The following BICRA variants were observed in gnomAD, a reference collection of about 807,000 sequenced individuals.
BICRA encodes BRD4 interacting chromatin remodeling complex associated protein, also known as BRD4-interacting chromatin-remodeling complex-associated protein.
In BICRA, 31 loss-of-function variants were observed where a neutral mutation model predicts 96.9. That is an observed-to-expected ratio of 0.32 (90% CI 0.24 to 0.43). BICRA has a LOEUF of 0.43. Ranked by LOEUF, BICRA falls within the 20% of genes least tolerant of loss-of-function variation. The pLI, the probability that BICRA is intolerant of heterozygous loss-of-function variation, is 1.00. For synonymous variants in BICRA, 1,350 were observed against 1,071.8 expected (o/e 1.26, Z -5.07); for missense variants, 2,283 against 2,190.3 (o/e 1.04, Z -0.84).
At chr19:47,635,250 T>C (rs1377266021) in intron 1 of BICRA, among the ~76,000 whole-genome samples, 2 of 74,546 alleles carry the variant, frequency 2.7e-5, no homozygotes, top group Non-Finnish European at 6.9e-5. Context: ...ATTTCTAGGA[T>C]TTTTTTTTTT....
At chr19:47,657,523 A>G (rs1397767685) in intron 1 of BICRA, among the ~76,000 whole-genome samples, 1 of 151,882 alleles carries the variant, frequency 6.6e-6, no homozygotes, top group Non-Finnish European at 1.5e-5. Flanking sequence ...CAGCCTCCCA[A>G]GTAGCTGGGA....
chr19:47,697,414 T>C (rs1015822143), intron 11 of BICRA, among the ~76,000 whole-genome samples: 2 of 151,690 alleles, frequency 1.3e-5, no homozygotes, highest in African/African-American at 4.8e-5. Flanking sequence ...AAAAAAAATT[T>C]TTTTTTATAT....
At chr19:47,673,911 ACTCATGGTAAT>A (rs1207542207) in intron 4 of BICRA, 149 bp downstream of exon 4, 1 of 713,758 alleles carries the variant, frequency 1.4e-6, no homozygotes, top group Non-Finnish European at 2.5e-6. Context: ...CATGAGCAAA[ACTCATGGTAAT>A]CCCCTGTCCT....
Position 47,680,932 on chromosome 19 carries a change from C to G in BICRA, c.1762C>G (p.Leu588Val). ...AATTVLQGVT[L>V]PPSAVAMLNT... ...CACCACTGTCCTCCAGGGGGTCACC[C>G]TGCCCCCCAGCGCCGTGGCCATGCT... Residue 588 changes from leucine (L) to valine (V), a missense_variant, in exon 6 of 15, where the codon CTG becomes GTG. By Grantham distance (32) the Leu-to-Val change is conservative (BLOSUM62 1). Transcript: ENST00000594866. 1 of 1,475,054 alleles carries G rather than the reference C, an allele frequency of 6.8e-7. No homozygotes were observed. The highest frequency in any genetic ancestry group is 8.9e-7 in the Non-Finnish European group (1 of 1,125,048). The allele number at this position is 1,475,054 out of a possible 1,614,324, so 91.4% of individuals were successfully genotyped here.
In BICRA at chr19:47,701,868, C is replaced by T. The variant is rs1488906751; in HGVS notation, c.4136C>T (p.Ala1379Val). ...CCCGAGCGCAAGCCCCTGGGCACCG[C>T]CCCGCACTGCCCGCGCCTGCCACTG... ...AAPERKPLGT[A>V]PHCPRLPLRK... Residue 1379 changes from alanine to valine, a missense_variant, in exon 15 of 15, where the codon GCC becomes GTC. By Grantham distance (64) the Ala-to-Val change is moderately conservative. Coordinates refer to ENST00000594866, the MANE Select transcript of BICRA (RefSeq NM_001394372.1). This position sits in a 1 kb window ranked among gnomAD's most constrained non-coding sequence, Gnocchi z 5.4. 1 of 1,479,968 alleles carries T rather than the reference C, an allele frequency of 6.8e-7. No homozygotes were observed. The allele number at this position is 1,479,968 out of a possible 1,614,324, so 91.7% of individuals were successfully genotyped here. A position where few individuals can be genotyped will look rare whatever the true frequency, so the allele number is the denominator to read the frequency against.
chr19:47,676,029 A>G, intron 5 of BICRA, 113 bp downstream of exon 5: 6 of 316,286 alleles, frequency 1.9e-5, no homozygotes, highest in South Asian at 5.8e-5. Flanking sequence ...TGTTGACAGG[A>G]GGAGGGCGGG....
At chr19:47,670,346 T>A (rs546489326) in intron 1 of BICRA, 97 bp from the exon 2 acceptor site, 2 of 152,414 alleles carry the variant, frequency 1.3e-5, no homozygotes, top group East Asian at 3.9e-4. Context: ...TCCATCCCTC[T>A]CCCACCTACA....
At position 47,679,595 on chromosome 19, in the gene BICRA, G is replaced by T. The variant is rs1972995973; in HGVS notation, c.425G>T (p.Gly142Val). Residue 142 changes from glycine (G) to valine (V), a missense_variant, in exon 6 of 15, where the codon GGC (glycine) becomes GTC (valine). Coordinates refer to ENST00000594866, the MANE Select transcript of BICRA (RefSeq NM_001394372.1). ...CTGCAGCCTGCGGATGGCGGGGCAGGCCCGACGGGCGCTGGAGGGGCAGCG... is the reference window on the plus strand; with the variant it reads ...CTGCAGCCTGCGGATGGCGGGGCAGTCCCGACGGGCGCTGGAGGGGCAGCG... The part of the protein sequence containing the change: ...PTLQPADGGA[G>V]PTGAGGAAAV... The T allele has an allele frequency of 6.5e-7, 1 of 1,533,544 alleles. No homozygotes were observed. The highest frequency in any genetic ancestry group is 8.8e-7 in the Non-Finnish European group (1 of 1,139,826). The allele number at this position is 1,533,544 out of a possible 1,614,324, so 95.0% of individuals were successfully genotyped here. A position where few individuals can be genotyped will look rare whatever the true frequency, so the allele number is the denominator to read the frequency against.
chr19:47,619,430 T>C (rs1188001391), intron 1 of BICRA, among the ~76,000 whole-genome samples: 2 of 152,038 alleles, frequency 1.3e-5, no homozygotes, highest in Non-Finnish European at 2.9e-5. Flanking sequence ...GGTTAGTTTT[T>C]GTATTTTTAG....
At chr19:47,630,127 C>T (rs1972199692) in intron 1 of BICRA, among the ~76,000 whole-genome samples, 1 of 149,708 alleles carries the variant, frequency 6.7e-6, no homozygotes, top group South Asian at 2.1e-4. Context: ...CACCTCGTTA[C>T]CTCTATTCTA....
chr19:47,685,786 T>TGTGTGTGTGTGTGTGTGTGTGTGTGCGC, intron 7 of BICRA, among the ~76,000 whole-genome samples: 1 of 117,930 alleles, frequency 8.5e-6, no homozygotes, highest in African/African-American at 3.6e-5. Context: ...TGTGTGTGTG[T>TGTGTGTGTGTGTGTGTGTGTGTGTGCGC]GCGCGCGCGC....
At chr19:47,673,849 T>A in intron 4 of BICRA, 87 bp downstream of exon 4, 1 of 1,163,014 alleles carries the variant, frequency 8.6e-7, no homozygotes, top group Non-Finnish European at 1.3e-6. Context: ...GTCCCTTTGA[T>A]GAGGTAGCCA....
intron 1 of BICRA, among the ~76,000 whole-genome samples, chr19:47,656,669 T>C (rs955513068): frequency 6.6e-6 from 1 of 152,176 alleles, no homozygotes; most frequent in Non-Finnish European, 1.5e-5. Flanking sequence ...TGCACAAAAC[T>C]GAAGCGCGCA....
intron 1 of BICRA, among the ~76,000 whole-genome samples, chr19:47,640,494 C>T (rs1338484205): frequency 6.7e-6 from 1 of 150,054 alleles, no homozygotes; most frequent in Non-Finnish European, 1.5e-5. Context: ...CATGCCACTG[C>T]ACTCCAGTCT....
In BICRA at chr19:47,647,049, C is replaced by T. The variant is rs374818248; in HGVS notation, c.-107-23394C>T. On this transcript the variant is annotated intron_variant, in intron 1 of 14. Transcript: ENST00000594866. ...TTCGTGGAAACAGACTCTTACACGA[C>T]GTGGCCTTTTGTGCCTGGCTTCTTT... 5.4e-4 allele frequency among the ~76,000 whole-genome samples: 82 copies of T among 152,342 alleles called. 2 individuals are homozygous for T. The South Asian group carries it at 0.016, about 29-fold the overall frequency.
At chr19:47,626,724 T>TG (rs1972146310) in intron 1 of BICRA, among the ~76,000 whole-genome samples, 1 of 144,884 alleles carries the variant, frequency 6.9e-6, no homozygotes, top group South Asian at 2.3e-4. Flanking sequence ...TGGGTTTTTT[T>TG]TTTTTTTTTT....
At chr19:47,631,411 A>G (rs1288108408) in intron 1 of BICRA, among the ~76,000 whole-genome samples, 1 of 152,028 alleles carries the variant, frequency 6.6e-6, no homozygotes, top group East Asian at 1.9e-4. Flanking sequence ...TATTTTTAGT[A>G]AAGACAGGGT....
intron 1 of BICRA, among the ~76,000 whole-genome samples, chr19:47,668,520 T>C (rs1263885203): frequency 1.4e-5 from 2 of 143,688 alleles, no homozygotes; most frequent in African/African-American, 5.1e-5. Context: ...GGAGTCTAGC[T>C]CTGTCACCAA....
chr19:47,661,462 G>C (rs1030746888), intron 1 of BICRA, among the ~76,000 whole-genome samples: 4 of 152,024 alleles, frequency 2.6e-5, no homozygotes, highest in African/African-American at 9.7e-5. Context: ...GCAGAGGCCA[G>C]AGGGAGCCGG....
Sources: gnomAD v4.1 joint callset for allele counts (sites outside exome capture counted in the v4.1 genomes callset) on GRCh38, gnomAD v4.1.1 for gene constraint, Gnocchi (gnomAD v3.1) non-coding constraint, MANE v1.5 for transcripts, NCBI Gene and HGNC (gene_info 2026-07-23, HGNC 2026-07-21) for gene names.